The following ATRNL1 variants were observed in gnomAD, a reference collection of about 807,000 sequenced individuals.
ATRNL1 encodes the protein attractin-like protein 1.
Under a neutral mutation model 182.7 loss-of-function variants are expected in ATRNL1, and 95 were observed. The observed-to-expected ratio is 0.52, with a 90% confidence interval of 0.44 to 0.62. The LOEUF (loss-of-function observed/expected upper bound fraction) is 0.62. Ranked by LOEUF, ATRNL1 falls within the 20% of genes least tolerant of loss-of-function variation. The probability of loss-of-function intolerance (pLI) is 0.00; values close to 1 mark genes in which losing one functional copy is unlikely to be tolerated. For synonymous variants in ATRNL1, 576 were observed against 568.3 expected (o/e 1.01, Z -0.19); for missense variants, 1,471 against 1,679.5 (o/e 0.88, Z 2.17).
chr10:115,804,807 G>T (rs1391764843), intron 27 of ATRNL1, among the ~76,000 whole-genome samples: 6 of 151,958 alleles, frequency 3.9e-5, no homozygotes, highest in African/African-American at 1.5e-4. Flanking sequence ...AGATCACAGG[G>T]GAGTTAATTG....
chr10:115,105,923 C>G (rs1161902993), intron 1 of ATRNL1, among the ~76,000 whole-genome samples: 1 of 152,112 alleles, frequency 6.6e-6, no homozygotes, highest in African/African-American at 2.4e-5. Context: ...GGGTTGGAGC[C>G]CCCACACAGA....
intron 28 of ATRNL1, among the ~76,000 whole-genome samples, chr10:115,895,620 G>C (rs1257951802): frequency 6.6e-6 from 1 of 152,184 alleles, no homozygotes; most frequent in African/African-American, 2.4e-5. Flanking sequence ...AACATCCACT[G>C]AATACCGGAC....
At chr10:115,943,812 T>G (rs939865661) in intron 28 of ATRNL1, among the ~76,000 whole-genome samples, 1 of 152,066 alleles carries the variant, frequency 6.6e-6, no homozygotes, top group South Asian at 2.1e-4. Context: ...GTAAACAAAC[T>G]ATGGCACATC....
At chr10:115,849,844 G>C (rs557197457) in intron 28 of ATRNL1, among the ~76,000 whole-genome samples, 1 of 152,120 alleles carries the variant, frequency 6.6e-6, no homozygotes, top group Non-Finnish European at 1.5e-5. Flanking sequence ...CTGATGATTT[G>C]TAGCAGAAAG....
Position 115,947,673 on chromosome 10 carries a change from C to T in ATRNL1, c.*2894C>T, listed in dbSNP as rs1302503424. On this transcript the variant is annotated 3_prime_UTR_variant, in exon 29 of 29. Coordinates refer to ENST00000355044, the MANE Select transcript of ATRNL1 (RefSeq NM_207303.4). ...GTTCGTATTTAAAAAGGTAATTGAT[C>T]CTTGCTGTACTTCCCAACATCTCAT... 6.6e-6 allele frequency: 1 copy of T among 152,442 alleles called. No individual in the cohort carries two copies. Among genetic ancestry groups the T allele is most frequent in the Non-Finnish European group, 1.5e-5 (1 of 68,024 alleles). The allele number at this position is 152,442 out of a possible 1,614,324, so 9.4% of individuals were successfully genotyped here. A position where few individuals can be genotyped will look rare whatever the true frequency, so the allele number is the denominator to read the frequency against.
At chr10:115,621,276 T>TATATAG (rs1268020830) in intron 26 of ATRNL1, among the ~76,000 whole-genome samples, 1,288 of 47,390 alleles carry the variant, frequency 0.027, 18 homozygotes, top group East Asian at 0.049. Context: ...TATATATATA[T>TATATAG]AGAGAGAGAG....
intron 26 of ATRNL1, among the ~76,000 whole-genome samples, chr10:115,609,248 C>T (rs80015577): frequency 6.6e-6 from 1 of 152,182 alleles, no homozygotes; most frequent in Non-Finnish European, 1.5e-5. Context: ...CTTTAGTTCT[C>T]CCGCACCCTG....
chr10:115,604,903 A>G (rs2133951255), intron 26 of ATRNL1, among the ~76,000 whole-genome samples: 1 of 151,932 alleles, frequency 6.6e-6, no homozygotes, highest in South Asian at 2.1e-4. Context: ...TGTATTTGCA[A>G]TTTTCTTTCT....
chr10:115,919,466 A>G (rs1952978774), intron 28 of ATRNL1, among the ~76,000 whole-genome samples: 1 of 152,234 alleles, frequency 6.6e-6, no homozygotes, highest in Middle Eastern at 3.4e-3. Context: ...AACTTCCCAC[A>G]TGTCTATTTC....
chr10:115,361,122 TG>T (rs1346318682), intron 19 of ATRNL1, among the ~76,000 whole-genome samples: 1 of 152,016 alleles, frequency 6.6e-6, no homozygotes, highest in African/African-American at 2.4e-5. Context: ...ACTATGTGCA[TG>T]TTGTGTTAGT....
chr10:115,171,057 A>G lies in ATRNL1; in HGVS notation c.1113A>G (p.Gly371=), dbSNP rs1219255365. 5.1e-6 allele frequency: 8 copies of G among 1,567,546 alleles called. No homozygotes were observed. The Admixed American group carries it at 1.0e-4, about 21-fold the overall frequency. The part of the protein sequence containing the change: ...ALYQENIFMY[G]GRIETNDGNV... ...TACAGGAAAACATCTTTATGTATGG[A>G]GGCAGAATTGAAACAAATGATGGCA... Residue 371 remains glycine (G), a synonymous_variant, in exon 8 of 29, where the codon GGA becomes GGG. Transcript: ENST00000355044.
chr10:115,547,912 A>G (rs1187589104), intron 25 of ATRNL1, among the ~76,000 whole-genome samples: 1 of 152,196 alleles, frequency 6.6e-6, no homozygotes, highest in East Asian at 1.9e-4. Context: ...AATCACTTGT[A>G]TGGTTGGAAA....
intron 27 of ATRNL1, among the ~76,000 whole-genome samples, chr10:115,730,400 C>T (rs1555062356): frequency 1.3e-5 from 2 of 151,294 alleles, no homozygotes; most frequent in Admixed American, 1.3e-4. Flanking sequence ...GTTCAAAGTT[C>T]TCTTCTCCAC....
At chr10:115,108,469 GT>G (rs1201500902) in intron 1 of ATRNL1, among the ~76,000 whole-genome samples, 1 of 152,194 alleles carries the variant, frequency 6.6e-6, no homozygotes, top group African/African-American at 2.4e-5. Flanking sequence ...AATGTGCCGA[GT>G]TTTATAGTCC....
chr10:115,798,813 TC>T (rs1323398362), intron 27 of ATRNL1, among the ~76,000 whole-genome samples: 2 of 142,958 alleles, frequency 1.4e-5, no homozygotes, highest in Non-Finnish European at 3.0e-5. Context: ...GCTTTTTTTT[TC>T]TTTTTTTTCT....
At chr10:115,134,351 G>A (rs1271653411) in intron 5 of ATRNL1, among the ~76,000 whole-genome samples, 2 of 151,646 alleles carry the variant, frequency 1.3e-5, no homozygotes, top group Non-Finnish European at 2.9e-5. Context: ...ATGATAAAGG[G>A]GATATCACCA....
chr10:115,129,558 C>T, intron 5 of ATRNL1, 23 bp downstream of exon 5: 1 of 1,589,486 alleles, frequency 6.3e-7, no homozygotes, highest in African/African-American at 1.3e-5. Context: ...GGTGTGATGG[C>T]TTTTGAAACA....
At position 115,212,283 on chromosome 10, in the gene ATRNL1, T is replaced by TAA. The variant is rs1485491057; in HGVS notation, c.1349-3413_1349-3412insAA. Among the ~76,000 whole-genome samples, 64 of 147,316 alleles carry TAA rather than the reference T, an allele frequency of 4.3e-4. 1 individual carries two copies. Among genetic ancestry groups the TAA allele is most frequent in the African/African-American group, 1.5e-3 (62 of 40,192 alleles). ...GCCTATCCCGTTAGTTTTTATTTGT[T>TAA]ATTGTAGTTTTTTTTTAACTTTTTT... On this transcript the variant is annotated intron_variant, in intron 8 of 28. Transcript: ENST00000355044.
At chr10:115,206,143 T>C (rs1333702102) in intron 8 of ATRNL1, among the ~76,000 whole-genome samples, 6 of 152,158 alleles carry the variant, frequency 3.9e-5, no homozygotes, top group African/African-American at 1.4e-4. Context: ...GGCCACTTCT[T>C]TCTGGCCTTT....
Sources: gnomAD v4.1 joint callset for allele counts (sites outside exome capture counted in the v4.1 genomes callset) on GRCh38, gnomAD v4.1.1 for gene constraint, MANE v1.5 for transcripts, NCBI Gene and HGNC (gene_info 2026-07-23, HGNC 2026-07-21) for gene names.